The following VWCE variants were observed in gnomAD, a reference collection of about 807,000 sequenced individuals.
VWCE encodes the protein von Willebrand factor C and EGF domain-containing protein.
A neutral mutation model predicts 102.9 loss-of-function variants in VWCE; 68 were observed. The observed-to-expected ratio is 0.66, with a 90% confidence interval of 0.54 to 0.81. The LOEUF is 0.81. VWCE is among the 30% of genes least tolerant of loss of function. The pLI, the probability that VWCE is intolerant of heterozygous loss-of-function variation, is 0.00. For synonymous variants in VWCE, 497 were observed against 515.4 expected (o/e 0.96, Z 0.48); for missense variants, 1,137 against 1,263.6 (o/e 0.90, Z 1.52).
intron 15 of VWCE, 83 bp downstream of exon 15, chr11:61,268,839 G>T: frequency 7.2e-7 from 1 of 1,387,520 alleles, no homozygotes; most frequent in Non-Finnish European, 1.0e-6. Flanking sequence ...AGGACGACAT[G>T]AGATGAAGGC....
Position 61,258,907 on chromosome 11 carries a change from G to A in VWCE, c.2636C>T (p.Ser879Phe), listed in dbSNP as rs1345388356. ...PVTPERSFSA[S>F]GAQIVSRWPP... The stretch of plus-strand genomic sequence containing the variant: ...CCACCTGGACACTATCTGGGCCCCA[G>A]AGGCTGAGAACGAGCGCTCTGGAGT... Residue 879 changes from serine to phenylalanine, a missense_variant, in exon 20 of 20, where the codon TCT becomes TTT. Ser to Phe is a radical substitution (Grantham distance 155). This residue lies in a region of VWCE where 316 missense variants were observed against 319.3 expected (regional missense o/e 0.99). Transcript: ENST00000335613. 4 of 1,528,446 alleles carry A rather than the reference G, an allele frequency of 2.6e-6. No homozygotes were observed. The highest frequency in any genetic ancestry group is 3.5e-6 in the Non-Finnish European group (4 of 1,141,290). 94.7% of individuals were successfully genotyped at this position (1,528,446 alleles called of 1,614,324 possible).
intron 19 of VWCE, among the ~76,000 whole-genome samples, chr11:61,263,286 G>A (rs1176134433): frequency 3.4e-5 from 5 of 147,084 alleles, no homozygotes; most frequent in Non-Finnish European, 7.4e-5. Flanking sequence ...CAGCCTGGGT[G>A]ACAGAGTGAG....
At chr11:61,281,993 C>T (rs755223433) in intron 6 of VWCE, 79 bp from the exon 7 acceptor site, 97 of 1,543,460 alleles carry the variant, frequency 6.3e-5, no homozygotes, top group Non-Finnish European at 8.1e-5. Flanking sequence ...TAGCTCAAAA[C>T]ACTTGGGGAG....
rs768559667 is a variant in VWCE, at chr11:61,280,936, C to T, written c.1087G>A (p.Glu363Lys). The T allele has an allele frequency of 4.0e-5, 61 of 1,528,870 alleles. No homozygotes were observed. The highest frequency in any genetic ancestry group is 4.9e-5 in the Non-Finnish European group (56 of 1,140,618). The allele number at this position is 1,528,870 out of a possible 1,614,324, so 94.7% of individuals were successfully genotyped here. ...GGTGAGGAAGGGGTCCCCATCACCTCCCCCTGAAGGAGTGAGGGGGGTCTG... is the reference window on the plus strand; with the variant it reads ...GGTGAGGAAGGGGTCCCCATCACCTTCCCCTGAAGGAGTGAGGGGGGTCTG... ...NLRPPSLLQG[E>K]VMGTPSSPRG... is the part of the protein sequence containing the mutation. Residue 363 changes from glutamate to lysine, a missense_variant, in exon 8 of 20, where the codon GAG becomes AAG. Around this residue, in one of 5 missense-constraint regions of VWCE, gnomAD observed 575 missense variants for 625.9 expected, o/e 0.92. Coordinates refer to ENST00000335613, the MANE Select transcript of VWCE (RefSeq NM_152718.2).
intron 7 of VWCE, among the ~76,000 whole-genome samples, chr11:61,281,552 A>G (rs959086118): frequency 1.3e-5 from 2 of 152,224 alleles, no homozygotes; most frequent in African/African-American, 4.8e-5. Context: ...AAAGCGAGGA[A>G]GAAAGTGGAG....
In VWCE at chr11:61,281,905, T is replaced by G. The variant is rs751161746; in HGVS notation, c.668A>C (p.Glu223Ala). Residue 223 changes from glutamate to alanine, a missense_variant, in exon 7 of 20, where the codon GAG becomes GCG. Physicochemically the swap from Glu to Ala is moderately radical, Grantham distance 107. Around this residue, in one of 5 missense-constraint regions of VWCE, gnomAD observed 575 missense variants for 625.9 expected, o/e 0.92. Coordinates refer to ENST00000335613, the MANE Select transcript of VWCE (RefSeq NM_152718.2). ...TCGCCTCTCCAATGGCCTCCGACAC[T>G]CGTTTACATCTGCGGGAGAGCCTCG... ...GNRHSCVDVN[E>A]CRRPLERRVC... 8 of 1,613,192 alleles carry G rather than the reference T, an allele frequency of 5.0e-6. No homozygotes were observed. The highest frequency in any genetic ancestry group is 6.8e-6 in the Non-Finnish European group (8 of 1,179,552).
chr11:61,286,481 T>C, intron 4 of VWCE, 51 bp from the exon 5 acceptor site: 1 of 1,537,626 alleles, frequency 6.5e-7, no homozygotes, highest in Non-Finnish European at 8.9e-7. Context: ...CAAGAGGAAC[T>C]TACACATTTG....
intron 10 of VWCE, 103 bp from the exon 11 acceptor site, chr11:61,276,783 GC>G: frequency 4.0e-6 from 3 of 741,880 alleles, no homozygotes; most frequent in Non-Finnish European, 5.6e-6. Flanking sequence ...CCTAAAGGAG[GC>G]CACAAGAAAC....
rs552196957 is a variant in VWCE at position 61,279,024 on chromosome 11, G to C, written c.1325-548C>G. Among the ~76,000 whole-genome samples, 6 of 151,638 alleles carry C rather than the reference G, an allele frequency of 4.0e-5. No homozygotes were observed. The South Asian group carries it at 1.3e-3, about 32-fold the overall frequency. On this transcript the variant is annotated intron_variant, in intron 9 of 19. Coordinates refer to ENST00000335613, the MANE Select transcript of VWCE (RefSeq NM_152718.2). ...ACTGCACTCCAGCCTGGGTGACAAA[G>C]CAACACTCCGTCTTAAAAAAAACAA...
intron 12 of VWCE, chr11:61,273,569 C>T: frequency 2.0e-6 from 1 of 505,308 alleles, no homozygotes; most frequent in Non-Finnish European, 3.5e-6. Flanking sequence ...GCACGGCCTT[C>T]ACCATCTCTC....
rs1443315099 is a variant in VWCE at position 61,294,728 on chromosome 11, G to A, written c.110+200C>T. Among the ~76,000 whole-genome samples, 1 of 152,170 alleles carries A rather than the reference G, an allele frequency of 6.6e-6. No individual in the cohort carries two copies. Among genetic ancestry groups the A allele is most frequent in the African/African-American group, 2.4e-5 (1 of 41,450 alleles). Reference sequence around the variant, plus strand: ...CCAGTCTGGACAGCCCCAGCCAGGGGGGCACGATGAGCACCCGCCTAGAGG... The same window carrying A: ...CCAGTCTGGACAGCCCCAGCCAGGGAGGCACGATGAGCACCCGCCTAGAGG... On this transcript the variant is annotated intron_variant, in intron 1 of 19. Coordinates refer to ENST00000335613, the MANE Select transcript of VWCE (RefSeq NM_152718.2). This position sits in a 1 kb window ranked among gnomAD's most constrained non-coding sequence, Gnocchi z 6.3.
chr11:61,268,510 C>T lies in VWCE; in HGVS notation c.1882+412G>A, dbSNP rs372965022. On this transcript the variant is annotated intron_variant, in intron 15 of 19. Transcript: ENST00000335613. Reference sequence around the variant, plus strand: ...TGGAGGTTGCAGTGAGCTGAGATCACGCCACTGCACTCCGGCCTGGGTAAG... The same window carrying T: ...TGGAGGTTGCAGTGAGCTGAGATCATGCCACTGCACTCCGGCCTGGGTAAG... Among the ~76,000 whole-genome samples the T allele has an allele frequency of 4.9e-4, 74 of 152,252 alleles. 1 individual carries two copies. In the East Asian group the frequency reaches 0.011, roughly 23 times the overall value.
intron 9 of VWCE, 50 bp from the exon 10 acceptor site, chr11:61,278,526 G>GGTCT: frequency 6.4e-7 from 1 of 1,553,774 alleles, no homozygotes; most frequent in Non-Finnish European, 8.9e-7. Flanking sequence ...TCAAAGAAGA[G>GGTCT]GAAACTTGAG....
chr11:61,288,839 G>GT (rs34247864), intron 4 of VWCE, among the ~76,000 whole-genome samples: 7,479 of 133,934 alleles, frequency 0.056, 672 homozygotes, highest in African/African-American at 0.18. Flanking sequence ...TTTATGGCGC[G>GT]TTTTTTTTTT....
At chr11:61,274,809 C>A (rs1854854553) in intron 11 of VWCE, among the ~76,000 whole-genome samples, 1 of 152,172 alleles carries the variant, frequency 6.6e-6, no homozygotes, top group African/African-American at 2.4e-5. Flanking sequence ...TGTCTGTAAT[C>A]CCAACATTCT....
At chr11:61,276,734 T>G in intron 10 of VWCE, 54 bp from the exon 11 acceptor site, 1 of 1,431,344 alleles carries the variant, frequency 7.0e-7, no homozygotes, top group Non-Finnish European at 9.4e-7. Flanking sequence ...ACAGGGTTCA[T>G]TCCCCATCTC....
chr11:61,273,619 A>C, intron 12 of VWCE: 1 of 358,122 alleles, frequency 2.8e-6, no homozygotes, highest in Non-Finnish European at 5.1e-6. Context: ...TGCCTAAACC[A>C]TTTGGCAGCT....
intron 16 of VWCE, among the ~76,000 whole-genome samples, chr11:61,265,966 AACCTGGGAGGCGGAGGTTGC>A (rs1410352270): frequency 6.6e-6 from 1 of 152,124 alleles, no homozygotes; most frequent in African/African-American, 2.4e-5. Flanking sequence ...GAATCGTTTG[AACCTGGGAGGCGGAGGTTGC>A]AGTGAGCCAA....
Position 61,276,554 on chromosome 11 carries a change from A to G in VWCE, c.1495+39T>C. On this transcript the variant is annotated intron_variant, in intron 11 of 19. Transcript: ENST00000335613. ...AGTGAGGTCTACAAAAAATCTAAAAAAAAAAAAAAAAGCAAAATGCTCCAA... is the reference window on the plus strand; with the variant it reads ...AGTGAGGTCTACAAAAAATCTAAAAGAAAAAAAAAAAGCAAAATGCTCCAA... 3 of 1,448,342 alleles carry G rather than the reference A, an allele frequency of 2.1e-6. No individual in the cohort carries two copies. The East Asian group carries it at 7.6e-5, about 37-fold the overall frequency. The allele number at this position is 1,448,342 out of a possible 1,614,324, so 89.7% of individuals were successfully genotyped here. A position where few individuals can be genotyped will look rare whatever the true frequency, so the allele number is the denominator to read the frequency against.
Sources: allele counts gnomAD v4.1 joint callset (sites outside exome capture counted in the v4.1 genomes callset), GRCh38; gene constraint gnomAD v4.1.1; regional missense constraint gnomAD v4.1.1; non-coding constraint Gnocchi (gnomAD v3.1); transcripts MANE v1.5; gene names NCBI Gene and HGNC (gene_info 2026-07-23, HGNC 2026-07-21).